The following ADAM12 variants were observed in gnomAD, a reference collection of about 807,000 sequenced individuals.
The protein encoded by ADAM12 is disintegrin and metalloproteinase domain-containing protein 12.
ADAM12 carries 70 observed loss-of-function variants against 106.4 expected under a neutral mutation model. That is an observed-to-expected ratio of 0.66 (90% CI 0.54 to 0.80). The LOEUF (loss-of-function observed/expected upper bound fraction) is 0.80. Among genes scored for constraint, ADAM12 ranks in the 30% least tolerant of loss-of-function variants. The probability of loss-of-function intolerance (pLI) is 0.00; values close to 1 mark genes in which losing one functional copy is unlikely to be tolerated. For synonymous variants in ADAM12, 420 were observed against 433.5 expected (o/e 0.97, Z 0.39); for missense variants, 1,010 against 1,171.9 (o/e 0.86, Z 2.02).
chr10:126,229,066 C>T (rs1565152820), intron 3 of ADAM12, among the ~76,000 whole-genome samples: 1 of 152,170 alleles, frequency 6.6e-6, no homozygotes, highest in South Asian at 2.1e-4. Flanking sequence ...CCTGAGATGA[C>T]CACGCTAATG....
At position 126,238,708 on chromosome 10, in the gene ADAM12, C is replaced by T. The variant is rs192752946; in HGVS notation, c.260+40207G>A. Among the ~76,000 whole-genome samples the T allele has an allele frequency of 1.7e-3, 257 of 152,226 alleles. 1 individual carries two copies. Among genetic ancestry groups the T allele is most frequent in the African/African-American group, 5.8e-3 (242 of 41,536 alleles). On this transcript the variant is annotated intron_variant, in intron 3 of 22. Coordinates refer to ENST00000448723, the MANE Select transcript of ADAM12 (RefSeq NM_001288973.2). ...GAATGTAATACCCAGACCAAGAACA[C>T]GTACAATATTATGCTTAAATATTGA...
chr10:126,284,882 T>C (rs1004664257), intron 2 of ADAM12, among the ~76,000 whole-genome samples: 1 of 152,224 alleles, frequency 6.6e-6, no homozygotes, highest in Non-Finnish European at 1.5e-5. Flanking sequence ...TCCCTTACTC[T>C]CTTCACTGGG....
intron 3 of ADAM12, among the ~76,000 whole-genome samples, chr10:126,251,999 G>A (rs1590685717): frequency 6.6e-6 from 1 of 151,286 alleles, no homozygotes; most frequent in Non-Finnish European, 1.5e-5. Context: ...ATGGATGGAT[G>A]GGATGGATAA....
At chr10:126,309,311 AGGTCG>A (rs1960982260) in intron 2 of ADAM12, among the ~76,000 whole-genome samples, 1 of 152,206 alleles carries the variant, frequency 6.6e-6, no homozygotes, top group Admixed American at 6.5e-5. Context: ...GCCATGATGA[AGGTCG>A]GCTCTCTCTG....
intron 3 of ADAM12, among the ~76,000 whole-genome samples, chr10:126,187,326 T>TAAATA (rs1554983508): frequency 2.0e-5 from 3 of 148,580 alleles, no homozygotes; most frequent in Admixed American, 6.7e-5. Flanking sequence ...GGAAATGAAA[T>TAAATA]AAAAAAAAAA....
intron 4 of ADAM12, among the ~76,000 whole-genome samples, chr10:126,143,042 G>A (rs945793705): frequency 7.5e-6 from 1 of 133,982 alleles, no homozygotes; most frequent in African/African-American, 2.6e-5. Context: ...ATATATGTAT[G>A]TGTGTATATG....
At chr10:126,075,518 C>A (rs1955082666) in intron 11 of ADAM12, among the ~76,000 whole-genome samples, 1 of 151,964 alleles carries the variant, frequency 6.6e-6, no homozygotes, top group African/African-American at 2.4e-5. Context: ...GCTAAGGGAA[C>A]AGAATGAGTT....
intron 6 of ADAM12, among the ~76,000 whole-genome samples, chr10:126,111,336 A>T (rs952610820): frequency 6.6e-6 from 1 of 152,246 alleles, no homozygotes; most frequent in African/African-American, 2.4e-5. Context: ...AAAAGAAAAG[A>T]CATTTGCCCC....
chr10:126,365,873 G>C (rs969299074), intron 1 of ADAM12, among the ~76,000 whole-genome samples: 4 of 152,130 alleles, frequency 2.6e-5, no homozygotes, highest in African/African-American at 9.7e-5. Flanking sequence ...TTTTAAAGGT[G>C]CTTACTCCTG....
In ADAM12 at chr10:126,049,669, C is replaced by G; in HGVS notation, c.1610G>C (p.Gly537Ala). Reference protein sequence around the residue: ...EQQCVTLWGPGAKPAPGICFE... With the variant: ...EQQCVTLWGPAAKPAPGICFE... ...GCAGATCCCAGGGGCAGGTTTAGCA[C>G]CTGAAACAGAAGCAGAACTGCATTT... Residue 537 changes from glycine to alanine, a missense_variant and splice_region_variant, in exon 15 of 23, where the codon GGT becomes GCT. Transcript: ENST00000448723. The surrounding 1 kb of genome is among the most constrained non-coding windows in gnomAD (Gnocchi z 4.4). 1 of 1,613,768 alleles carries G rather than the reference C, an allele frequency of 6.2e-7. No individual in the cohort carries two copies. Among genetic ancestry groups the G allele is most frequent in the Non-Finnish European group, 8.5e-7 (1 of 1,179,822 alleles).
chr10:126,062,314 G>A (rs1305921567), intron 14 of ADAM12, among the ~76,000 whole-genome samples: 1 of 152,176 alleles, frequency 6.6e-6, no homozygotes. Flanking sequence ...CCCAGCAAAG[G>A]CCTCCTGGTT....
chr10:126,159,074 C>T (rs1455172895), intron 3 of ADAM12, among the ~76,000 whole-genome samples: 7 of 152,126 alleles, frequency 4.6e-5, no homozygotes, highest in African/African-American at 1.4e-4. Flanking sequence ...CTTTGGGAGG[C>T]CAAGGCGGGC....
rs373079749 is a variant in ADAM12 at position 126,209,831 on chromosome 10, C to T, written c.261-54526G>A. The stretch of plus-strand genomic sequence containing the variant: ...CTCCCAAGCCTATGAGCACTAAGTT[C>T]GACAGCAGAACACGACTCAATAGAT... On this transcript the variant is annotated intron_variant, in intron 3 of 22. Coordinates refer to ENST00000448723, the MANE Select transcript of ADAM12 (RefSeq NM_001288973.2). Among the ~76,000 whole-genome samples the T allele has an allele frequency of 1.3e-3, 191 of 152,236 alleles. 4 individuals carry two copies. The South Asian group carries it at 0.038, about 30-fold the overall frequency.
At chr10:126,313,392 AG>A (rs1961202395) in intron 2 of ADAM12, among the ~76,000 whole-genome samples, 1 of 152,246 alleles carries the variant, frequency 6.6e-6, no homozygotes, top group Admixed American at 6.5e-5. Flanking sequence ...GGGCCTTGGA[AG>A]GGCAAGGATC....
chr10:126,329,296 C>G (rs551369662), intron 2 of ADAM12, among the ~76,000 whole-genome samples: 260 of 152,210 alleles, frequency 1.7e-3, no homozygotes, highest in Middle Eastern at 3.4e-3. Flanking sequence ...TCCCAACATC[C>G]AAGAAACTTT....
intron 1 of ADAM12, among the ~76,000 whole-genome samples, chr10:126,384,694 G>A (rs566405744): frequency 6.6e-6 from 1 of 152,280 alleles, no homozygotes; most frequent in South Asian, 2.1e-4. Context: ...GGTTGCGTAA[G>A]GGATGGGAAA....
chr10:126,073,370 G>A (rs1003558164), intron 11 of ADAM12, among the ~76,000 whole-genome samples: 2 of 152,174 alleles, frequency 1.3e-5, no homozygotes, highest in Non-Finnish European at 1.5e-5. Flanking sequence ...TTATAGGCAT[G>A]AGCCTTTAAG....
chr10:126,159,508 C>T (rs1443525238), intron 3 of ADAM12, among the ~76,000 whole-genome samples: 3 of 152,002 alleles, frequency 2.0e-5, no homozygotes, highest in African/African-American at 7.3e-5. Flanking sequence ...TTTGAATGAA[C>T]AAGGTATATA....
intron 3 of ADAM12, among the ~76,000 whole-genome samples, chr10:126,254,885 C>T (rs1958859932): frequency 1.3e-5 from 2 of 152,234 alleles, no homozygotes; most frequent in African/African-American, 4.8e-5. Flanking sequence ...CGTCATCTCT[C>T]TTGACATAAA....
Sources: allele counts gnomAD v4.1 joint callset (sites outside exome capture counted in the v4.1 genomes callset), GRCh38; gene constraint gnomAD v4.1.1; non-coding constraint Gnocchi (gnomAD v3.1); transcripts MANE v1.5; gene names NCBI Gene and HGNC (gene_info 2026-07-23, HGNC 2026-07-21).